Variants in CCDC171 observed in about 807,000 individuals in gnomAD.
CCDC171 encodes the protein coiled-coil domain containing 171.
A neutral mutation model predicts 168.2 loss-of-function variants in CCDC171; 177 were observed. The observed-to-expected ratio is 1.05, with a 90% confidence interval of 0.93 to 1.19. CCDC171 has a LOEUF of 1.19. Among genes scored for constraint, CCDC171 ranks in the 50% most tolerant of loss-of-function variants. The pLI is 0.00. For synonymous variants in CCDC171, 687 were observed against 540.8 expected, an observed-to-expected ratio of 1.27 and a Z score of -3.75; for missense variants, 1,991 against 1,539.0, an observed-to-expected ratio of 1.29 and a Z score of -4.91.
chr9:15,594,964 T>C (rs982663772), intron 6 of CCDC171, among the ~76,000 whole-genome samples: 2 of 152,162 alleles, frequency 1.3e-5, no homozygotes, highest in African/African-American at 4.8e-5. Flanking sequence ...ACACAATGTG[T>C]TTTATGTATT....
At chr9:16,065,832 G>GTGTGTGTGTGTGTT (rs1554717492), downstream of CCDC171, among the ~76,000 whole-genome samples, 22 of 151,550 alleles carry the variant, frequency 1.5e-4, no homozygotes, top group African/African-American at 4.9e-4. Context: ...GTGTGTGTGT[G>GTGTGTGTGTGTGTT]TGTGTGTGTG....
In CCDC171 at chr9:15,636,984, G is replaced by C. The variant is rs2046249083; in HGVS notation, c.822+13571G>C. Among the ~76,000 whole-genome samples, 3 of 150,814 alleles carry C rather than the reference G, an allele frequency of 2.0e-5. No individual in the cohort carries two copies. In the South Asian group the frequency reaches 6.3e-4, roughly 32 times the overall value. On this transcript the variant is annotated intron_variant, in intron 7 of 25. Transcript: ENST00000380701. Reference sequence around the variant, plus strand: ...AGTTAAGAAAATATCGGCTGGGCGTGGTGGCTCATGCCTGTAATCCCAGCA... The same window carrying C: ...AGTTAAGAAAATATCGGCTGGGCGTCGTGGCTCATGCCTGTAATCCCAGCA...
At chr9:16,097,372 A>G in the CCDC171 span, among the ~76,000 whole-genome samples, 2 of 152,218 alleles carry the variant, frequency 1.3e-5, no homozygotes, top group East Asian at 1.9e-4. Context: ...TACATCCCAT[A>G]TATTCCAAAA....
intron 23 of CCDC171, among the ~76,000 whole-genome samples, chr9:15,858,526 A>G (rs1036251461): frequency 1.3e-5 from 2 of 148,502 alleles, no homozygotes; most frequent in Non-Finnish European, 3.0e-5. Context: ...CATTTTAACA[A>G]TAATAAGTCT....
chr9:15,828,421 G>GTGTTTAGTT (rs1192771330), intron 21 of CCDC171, among the ~76,000 whole-genome samples: 1 of 151,796 alleles, frequency 6.6e-6, no homozygotes, highest in East Asian at 1.9e-4. Context: ...TACATATTAG[G>GTGTTTAGTT]TGTTTAGTTT....
At chr9:15,608,524 C>G (rs1322657662) in intron 6 of CCDC171, among the ~76,000 whole-genome samples, 2 of 152,014 alleles carry the variant, frequency 1.3e-5, no homozygotes, top group African/African-American at 2.4e-5. Context: ...GTATCTCATT[C>G]TTGCTTAAAT....
rs139072551 is a variant in CCDC171, at chr9:15,780,666, G to C, written c.3081+1516G>C. 4.3e-4 allele frequency among the ~76,000 whole-genome samples: 66 copies of C among 152,280 alleles called. No individual in the cohort carries two copies. The East Asian group carries it at 0.013, about 29-fold the overall frequency. On this transcript the variant is annotated intron_variant, in intron 20 of 25. Coordinates refer to ENST00000380701, the MANE Select transcript of CCDC171 (RefSeq NM_173550.4). ...GTGCCTGTGCATGCCTTTATGCACA[G>C]TTGTAGTTTGGAATAATTTTGTATG...
chr9:16,105,616 A>G, the CCDC171 span, among the ~76,000 whole-genome samples: 1 of 152,154 alleles, frequency 6.6e-6, no homozygotes, highest in Non-Finnish European at 1.5e-5. Context: ...TGCAGACAGG[A>G]TCTTTCCTGA....
intron 21 of CCDC171, among the ~76,000 whole-genome samples, chr9:15,840,391 G>T (rs1398052057): frequency 6.6e-6 from 1 of 152,052 alleles, no homozygotes; most frequent in African/African-American, 2.4e-5. Context: ...AGGGAATTCA[G>T]CAATTTTTTG....
intron 4 of CCDC171, among the ~76,000 whole-genome samples, chr9:15,584,570 A>G (rs2041402868): frequency 6.6e-6 from 1 of 152,206 alleles, no homozygotes. Context: ...CAGGTGATAG[A>G]TCACATGAGG....
chr9:15,708,925 T>G (rs2052448005), intron 11 of CCDC171, among the ~76,000 whole-genome samples: 1 of 152,134 alleles, frequency 6.6e-6, no homozygotes, highest in Non-Finnish European at 1.5e-5. Context: ...CATACAGTCT[T>G]TTTTCAAACT....
At chr9:15,875,722 C>T (rs935058275) in intron 24 of CCDC171, 6 of 151,744 alleles carry the variant, frequency 4.0e-5, no homozygotes, top group Non-Finnish European at 7.4e-5. Context: ...TTTATATGCT[C>T]CATATCCTAA....
intron 7 of CCDC171, among the ~76,000 whole-genome samples, chr9:15,627,020 C>A (rs1186143635): frequency 6.6e-6 from 1 of 152,140 alleles, no homozygotes; most frequent in Non-Finnish European, 1.5e-5. Context: ...TTTTGGGATT[C>A]AACTTCTTCC....
intron 6 of CCDC171, among the ~76,000 whole-genome samples, chr9:15,620,756 T>G (rs1361717342): frequency 6.6e-6 from 1 of 152,198 alleles, no homozygotes; most frequent in Non-Finnish European, 1.5e-5. Flanking sequence ...GAAACCTTTT[T>G]GAAGAAAGAG....
intron 25 of CCDC171, among the ~76,000 whole-genome samples, chr9:15,956,481 C>A (rs1384450365): frequency 6.6e-6 from 1 of 152,242 alleles, no homozygotes; most frequent in African/African-American, 2.4e-5. Flanking sequence ...CACAGCTTTA[C>A]AAATGTAGGT....
chr9:15,812,238 G>C (rs1432340457), intron 21 of CCDC171, among the ~76,000 whole-genome samples: 1 of 152,164 alleles, frequency 6.6e-6, no homozygotes, highest in Non-Finnish European at 1.5e-5. Context: ...ATTCAAACCT[G>C]TTATCTTAGA....
chr9:15,955,465 C>G (rs1829698093), intron 25 of CCDC171, among the ~76,000 whole-genome samples: 1 of 152,082 alleles, frequency 6.6e-6, no homozygotes, highest in Non-Finnish European at 1.5e-5. Flanking sequence ...GAACAAGGTT[C>G]TTTTTGCCTA....
At chr9:15,557,431 T>A (rs969451343) in intron 1 of CCDC171, among the ~76,000 whole-genome samples, 4 of 152,170 alleles carry the variant, frequency 2.6e-5, no homozygotes, top group Admixed American at 2.6e-4. Context: ...CAGTGGTTTG[T>A]AGTTCTCCTT....
intron 21 of CCDC171, among the ~76,000 whole-genome samples, chr9:15,809,828 G>C (rs1228053303): frequency 6.6e-6 from 1 of 152,190 alleles, no homozygotes; most frequent in Non-Finnish European, 1.5e-5. Context: ...TGCCACTGCT[G>C]CCTGGGGCAG....
Sources: allele counts gnomAD v4.1 joint callset (sites outside exome capture counted in the v4.1 genomes callset), GRCh38; gene constraint gnomAD v4.1.1; transcripts MANE v1.5; gene names NCBI Gene and HGNC (gene_info 2026-07-23, HGNC 2026-07-21).